The following STX8 variants were observed in gnomAD, a reference collection of about 807,000 sequenced individuals.
The protein encoded by STX8 is syntaxin-8.
STX8 carries 23 observed loss-of-function variants against 37.5 expected under a neutral mutation model. The ratio of observed to expected loss-of-function variants is 0.61; its 90% CI spans 0.44 to 0.87. The LOEUF (loss-of-function observed/expected upper bound fraction) is 0.87, where lower values mean the gene tolerates loss of function less well. Ranked by LOEUF, STX8 falls within the 40% of genes least tolerant of loss-of-function variation. STX8 has a pLI of 0.00. For synonymous variants in STX8, 115 were observed against 99.1 expected (o/e 1.16, Z -0.95); for missense variants, 313 against 284.7 (o/e 1.10, Z -0.71).
At chr17:9,436,346 CAAA>C (rs59912421) in intron 6 of STX8, among the ~76,000 whole-genome samples, 4 of 113,876 alleles carry the variant, frequency 3.5e-5, no homozygotes, top group Non-Finnish European at 7.4e-5. Flanking sequence ...GCCTCCATCG[CAAA>C]AAAAAAAAAA....
chr17:9,411,364 G>A (rs1014818136), intron 6 of STX8, among the ~76,000 whole-genome samples: 1 of 152,186 alleles, frequency 6.6e-6, no homozygotes, highest in Non-Finnish European at 1.5e-5. Flanking sequence ...ACCTTGCAAA[G>A]TGTCTTATTT....
In STX8 at chr17:9,379,659, C is replaced by G. The variant is rs376644207; in HGVS notation, c.542-1006G>C. On this transcript the variant is annotated intron_variant, in intron 6 of 7. Transcript: ENST00000306357. ...AGCTTGAGGGATCTTTTAGTAATTA[C>G]TATCTCTTGTAAAGAATCCTTGATG... is the stretch of plus-strand genomic sequence containing the variant. Among the ~76,000 whole-genome samples the G allele has an allele frequency of 2.0e-4, 30 of 152,230 alleles. No individual in the cohort carries two copies. The East Asian group carries it at 5.4e-3, about 27-fold the overall frequency.
chr17:9,330,556 G>T (rs1451842348), intron 7 of STX8, among the ~76,000 whole-genome samples: 4 of 152,170 alleles, frequency 2.6e-5, no homozygotes, highest in African/African-American at 9.6e-5. Context: ...CCACTTTTTT[G>T]TTGATGATCA....
At chr17:9,353,928 A>G (rs922614358) in intron 7 of STX8, among the ~76,000 whole-genome samples, 1 of 152,110 alleles carries the variant, frequency 6.6e-6, no homozygotes, top group Non-Finnish European at 1.5e-5. Context: ...AGTAATCCTA[A>G]AAAAAGGTTA....
chr17:9,573,089 C>T (rs867157987), intron 1 of STX8, among the ~76,000 whole-genome samples: 5 of 121,578 alleles, frequency 4.1e-5, no homozygotes, highest in Non-Finnish European at 9.2e-5. Context: ...CACCCCCCCC[C>T]ACCCCCGCAA....
At chr17:9,342,744 C>T (rs946026489) in intron 7 of STX8, among the ~76,000 whole-genome samples, 16 of 152,116 alleles carry the variant, frequency 1.1e-4, no homozygotes, top group South Asian at 8.3e-4. Flanking sequence ...TGCAAATGGC[C>T]GGGCGCGGTG....
At chr17:9,378,872 A>T (rs1300520927) in intron 6 of STX8, among the ~76,000 whole-genome samples, 2 of 152,136 alleles carry the variant, frequency 1.3e-5, no homozygotes, top group Non-Finnish European at 2.9e-5. Context: ...ATTCCAGCAG[A>T]CAGGAGAAAT....
At chr17:9,429,020 T>C (rs1419955797) in intron 6 of STX8, among the ~76,000 whole-genome samples, 1 of 152,090 alleles carries the variant, frequency 6.6e-6, no homozygotes, top group Non-Finnish European at 1.5e-5. Context: ...AAAGGGTACC[T>C]TTGACTTGGT....
chr17:9,341,405 G>A (rs1375602706), intron 7 of STX8, among the ~76,000 whole-genome samples: 1 of 152,162 alleles, frequency 6.6e-6, no homozygotes, highest in Non-Finnish European at 1.5e-5. Context: ...GGCATAGAGG[G>A]AAAGTAGAGT....
At chr17:9,305,736 A>ACCTTTTT (rs1908960419) in intron 7 of STX8, 4 of 114,856 alleles carry the variant, frequency 3.5e-5, no homozygotes, top group African/African-American at 1.9e-4. Flanking sequence ...ATACAGGTGC[A>ACCTTTTT]TCTTTTTTTT....
At chr17:9,338,018 A>T (rs924664299) in intron 7 of STX8, among the ~76,000 whole-genome samples, 5 of 138,260 alleles carry the variant, frequency 3.6e-5, no homozygotes, top group Non-Finnish European at 7.8e-5. Context: ...TTTGGACTTT[A>T]TTCTGAGGGC....
intron 6 of STX8, among the ~76,000 whole-genome samples, chr17:9,422,515 T>G (rs1913476530): frequency 6.6e-6 from 1 of 152,236 alleles, no homozygotes; most frequent in South Asian, 2.1e-4. Context: ...ATTCGTCTGT[T>G]CTAGATATTT....
intron 7 of STX8, among the ~76,000 whole-genome samples, chr17:9,259,915 G>A (rs1047015164): frequency 1.3e-5 from 2 of 152,058 alleles, no homozygotes; most frequent in African/African-American, 2.4e-5. Context: ...TAATAATGAC[G>A]ATGAAAATAA....
chr17:9,560,152 C>T (rs1907167825), intron 2 of STX8, among the ~76,000 whole-genome samples: 1 of 150,962 alleles, frequency 6.6e-6, no homozygotes, highest in Non-Finnish European at 1.5e-5. Flanking sequence ...GTAATCACAG[C>T]ACTTTGGGAG....
At chr17:9,308,415 A>G (rs1226680219) in intron 7 of STX8, among the ~76,000 whole-genome samples, 1 of 152,186 alleles carries the variant, frequency 6.6e-6, no homozygotes, top group African/African-American at 2.4e-5. Context: ...TCTAGTTCCT[A>G]TGACTCACCT....
chr17:9,432,897 G>A (rs1191896295), intron 6 of STX8, among the ~76,000 whole-genome samples: 2 of 152,182 alleles, frequency 1.3e-5, no homozygotes. Context: ...TACCTTCAGA[G>A]TAAATTGTTT....
chr17:9,398,852 C>T (rs1383778637), intron 6 of STX8, among the ~76,000 whole-genome samples: 1 of 152,060 alleles, frequency 6.6e-6, no homozygotes, highest in East Asian at 1.9e-4. Context: ...AGTTTGAGAC[C>T]AGCCTGGCCT....
chr17:9,557,349 G>T, intron 3 of STX8, 85 bp downstream of exon 3: 1 of 1,136,884 alleles, frequency 8.8e-7, no homozygotes, highest in Non-Finnish European at 1.3e-6. Context: ...GGGAAAATCT[G>T]GGTGGCCCAG....
intron 7 of STX8, among the ~76,000 whole-genome samples, chr17:9,265,360 C>A (rs534541055): frequency 6.6e-6 from 1 of 152,202 alleles, no homozygotes; most frequent in East Asian, 1.9e-4. Context: ...GGATGGGGCA[C>A]GCTAGTCGCT....
Sources: allele counts gnomAD v4.1 joint callset (sites outside exome capture counted in the v4.1 genomes callset), GRCh38; gene constraint gnomAD v4.1.1; transcripts MANE v1.5; gene names NCBI Gene and HGNC (gene_info 2026-07-23, HGNC 2026-07-21).